GLIS3: variants seen among roughly 807,000 people sequenced by gnomAD.
GLIS3 encodes the protein zinc finger protein GLIS3.
In GLIS3, 53 loss-of-function variants were observed where a neutral mutation model predicts 78.6. That is an observed-to-expected ratio of 0.67 (90% CI 0.54 to 0.85). GLIS3 has a LOEUF of 0.85. GLIS3 is among the 40% of genes least tolerant of loss of function. The pLI is 0.00. For synonymous variants in GLIS3, 684 were observed against 509.9 expected, an observed-to-expected ratio of 1.34 and a Z score of -4.60; for missense variants, 1,703 against 1,231.1, an observed-to-expected ratio of 1.38 and a Z score of -5.74.
rs2129898446 is a variant in GLIS3, at chr9:3,826,421, A to G, written c.*1851T>C. The G allele has an allele frequency of 6.6e-6, 1 of 151,874 alleles. No individual in the cohort carries two copies. The highest frequency in any genetic ancestry group is 1.9e-4 in the East Asian group (1 of 5,134). 9.4% of individuals were successfully genotyped at this position (151,874 alleles called of 1,614,324 possible). ...TACTTTACAAGCAGCCTTGGAGTTCACTTGTAAAGGAAGCCTGGTGTGCAT... is the reference window on the plus strand; with the variant it reads ...TACTTTACAAGCAGCCTTGGAGTTCGCTTGTAAAGGAAGCCTGGTGTGCAT... On this transcript the variant is annotated 3_prime_UTR_variant, in exon 11 of 11. Transcript: ENST00000381971.
chr9:3,928,904 C>A (rs1258417622), intron 6 of GLIS3, among the ~76,000 whole-genome samples: 1 of 152,146 alleles, frequency 6.6e-6, no homozygotes, highest in African/African-American at 2.4e-5. Flanking sequence ...TTTGTATGCA[C>A]TTTTAAAAAG....
chr9:4,023,699 C>T (rs924701075), intron 4 of GLIS3, among the ~76,000 whole-genome samples: 2 of 152,202 alleles, frequency 1.3e-5, no homozygotes, highest in African/African-American at 4.8e-5. Context: ...GAGCTCATCC[C>T]ACAAGAGGTC....
At chr9:4,318,241 T>C (rs948045676) in intron 2 of GLIS3, among the ~76,000 whole-genome samples, 10 of 152,090 alleles carry the variant, frequency 6.6e-5, no homozygotes, top group Admixed American at 6.5e-4. Flanking sequence ...TTGATGGGAA[T>C]TCGAGGGGCC....
Position 4,316,663 on chromosome 9 carries a change from G to C in GLIS3, n.265-6135C>G, listed in dbSNP as rs548046759. Among the ~76,000 whole-genome samples, 5 of 152,314 alleles carry C rather than the reference G, an allele frequency of 3.3e-5. No individual in the cohort carries two copies. The South Asian group carries it at 8.3e-4, about 25-fold the overall frequency. On this transcript the variant is annotated intron_variant and non_coding_transcript_variant, in intron 2 of 4. Transcript: ENST00000471664. ...TGAGTAAGCGTAGGCATGTGTGTGAGTGTGCCCTGAGATGGGACGGCAGCC... is the reference window on the plus strand; with the variant it reads ...TGAGTAAGCGTAGGCATGTGTGTGACTGTGCCCTGAGATGGGACGGCAGCC...
the GLIS3 span, among the ~76,000 whole-genome samples, chr9:4,388,662 C>T: frequency 1.3e-4 from 19 of 151,522 alleles, no homozygotes; most frequent in African/African-American, 3.9e-4. Context: ...GGTGACAGAG[C>T]GAGACTCCAT....
chr9:4,394,035 T>G, the GLIS3 span, among the ~76,000 whole-genome samples: 1 of 152,020 alleles, frequency 6.6e-6, no homozygotes, highest in South Asian at 2.1e-4. Flanking sequence ...TTGGACTTGC[T>G]GAACCCAGTT....
chr9:4,109,024 G>A (rs1452630266), intron 4 of GLIS3, among the ~76,000 whole-genome samples: 1 of 152,098 alleles, frequency 6.6e-6, no homozygotes, highest in Admixed American at 6.6e-5. Flanking sequence ...GTTCTATGGT[G>A]TTCAGGACTG....
At chr9:4,330,977 G>A (rs1168101400) in intron 2 of GLIS3, among the ~76,000 whole-genome samples, 3 of 152,180 alleles carry the variant, frequency 2.0e-5, no homozygotes, top group Non-Finnish European at 4.4e-5. Flanking sequence ...CCCTTTACTG[G>A]CAGCTACATG....
chr9:3,864,082 G>A lies in GLIS3; in HGVS notation c.2298-7898C>T, dbSNP rs180975939. Among the ~76,000 whole-genome samples, 23 of 152,106 alleles carry A rather than the reference G, an allele frequency of 1.5e-4. 1 individual carries two copies. The highest frequency in any genetic ancestry group is 2.6e-4 in the Admixed American group (4 of 15,282). ...TCTGCCAAATCCTCTCTTTAAAAAA[G>A]CACCAAACTGAAGAAAATTTATCCA... On this transcript the variant is annotated intron_variant, in intron 8 of 10. Transcript: ENST00000381971.
chr9:3,969,846 A>C (rs551816461), intron 4 of GLIS3, among the ~76,000 whole-genome samples: 1 of 152,342 alleles, frequency 6.6e-6, no homozygotes, highest in African/African-American at 2.4e-5. Flanking sequence ...ACTGAGCAAA[A>C]TTCAAAAAGT....
intron 4 of GLIS3, among the ~76,000 whole-genome samples, chr9:3,994,981 C>T (rs376112620): frequency 2.0e-5 from 3 of 152,094 alleles, no homozygotes; most frequent in African/African-American, 7.2e-5. Flanking sequence ...TTTCAGGTAC[C>T]CTAGAGCTTG....
At chr9:4,226,198 G>A (rs1821755758) in intron 2 of GLIS3, among the ~76,000 whole-genome samples, 1 of 152,062 alleles carries the variant, frequency 6.6e-6, no homozygotes, top group South Asian at 2.1e-4. Context: ...AATTAATTCT[G>A]CTTTCCAATA....
At chr9:3,929,455 G>A (rs76003582) in intron 6 of GLIS3, among the ~76,000 whole-genome samples, 1,546 of 152,114 alleles carry the variant, frequency 0.01, 18 homozygotes, top group African/African-American at 0.029. Flanking sequence ...ACGTGCCCAC[G>A]GTCAGGGCAT....
intron 4 of GLIS3, among the ~76,000 whole-genome samples, chr9:4,003,763 T>C (rs777383030): frequency 2.0e-5 from 3 of 152,218 alleles, no homozygotes; most frequent in Non-Finnish European, 2.9e-5. Context: ...GTCATCTGGA[T>C]GATGGTGAGC....
At chr9:4,274,716 C>G (rs575641258) in intron 2 of GLIS3, among the ~76,000 whole-genome samples, 1 of 152,148 alleles carries the variant, frequency 6.6e-6, no homozygotes, top group Non-Finnish European at 1.5e-5. Context: ...CACAGGGCAC[C>G]CCTTCTGAGT....
the GLIS3 span, among the ~76,000 whole-genome samples, chr9:4,372,281 T>A: frequency 3.3e-5 from 5 of 152,202 alleles, no homozygotes; most frequent in Non-Finnish European, 5.9e-5. Flanking sequence ...ATCTTGAAAC[T>A]TTTAATAACT....
chr9:4,053,452 T>C (rs1215374074), intron 4 of GLIS3, among the ~76,000 whole-genome samples: 1 of 152,044 alleles, frequency 6.6e-6, no homozygotes, highest in Non-Finnish European at 1.5e-5. Context: ...CACTTTCAGA[T>C]TCCCCCAAAT....
At chr9:4,342,000 C>G (rs7043464) in intron 2 of GLIS3, among the ~76,000 whole-genome samples, 3,813 of 152,204 alleles carry the variant, frequency 0.025, 162 homozygotes, top group African/African-American at 0.084. Context: ...GGATATTAGA[C>G]CTTTGTTGGA....
At chr9:3,887,793 T>G (rs73643616) in intron 7 of GLIS3, among the ~76,000 whole-genome samples, 7,239 of 152,250 alleles carry the variant, frequency 0.048, 588 homozygotes, top group African/African-American at 0.17. Flanking sequence ...TAGGAAAAGC[T>G]CTGGAAACAT....
Sources: allele counts gnomAD v4.1 joint callset (sites outside exome capture counted in the v4.1 genomes callset), GRCh38; gene constraint gnomAD v4.1.1; transcripts MANE v1.5; gene names NCBI Gene and HGNC (gene_info 2026-07-23, HGNC 2026-07-21).